Variants in KNDC1 observed in about 807,000 individuals in gnomAD.
The protein encoded by KNDC1 is kinase non-catalytic C-lobe domain-containing protein 1.
KNDC1 carries 106 observed loss-of-function variants against 172.8 expected under a neutral mutation model. The observed-to-expected ratio is 0.61, with a 90% CI of 0.52 to 0.72. KNDC1 has a LOEUF of 0.72. Ranked by LOEUF, KNDC1 falls within the 30% of genes least tolerant of loss-of-function variation. The pLI, the probability that KNDC1 is intolerant of heterozygous loss-of-function variation, is 0.00. For synonymous variants in KNDC1, 1,083 were observed against 1,062.2 expected, an observed-to-expected ratio of 1.02 and a Z score of -0.38; for missense variants, 2,325 against 2,394.5, an observed-to-expected ratio of 0.97 and a Z score of 0.61.
At chr10:133,217,588 C>T (rs1277879874) in intron 26 of KNDC1, among the ~76,000 whole-genome samples, 1 of 152,164 alleles carries the variant, frequency 6.6e-6, no homozygotes, top group African/African-American at 2.4e-5. Flanking sequence ...CGCCTGTGAT[C>T]CCAGCACTTT....
chr10:133,213,969 C>T lies in KNDC1; in HGVS notation c.4527-3C>T. On this transcript the variant is annotated splice_region_variant and splice_polypyrimidine_tract_variant and intron_variant, in intron 25 of 29. Coordinates refer to ENST00000304613, the MANE Select transcript of KNDC1 (RefSeq NM_152643.8). ...GGTGACAGGGACCATATTTCTCTTC[C>T]AGAGCCAGCTCTTCTGAGTCTCTTT... 6.2e-6 allele frequency: 10 copies of T among 1,614,124 alleles called. No individual in the cohort carries two copies. Among genetic ancestry groups the T allele is most frequent in the Non-Finnish European group, 8.5e-6 (10 of 1,179,966 alleles).
At chr10:133,177,511 GTGTAA>G (rs1239958766) in intron 3 of KNDC1, among the ~76,000 whole-genome samples, 2 of 146,482 alleles carry the variant, frequency 1.4e-5, no homozygotes, top group East Asian at 4.1e-4. Flanking sequence ...ATGGTCATGT[GTGTAA>G]TGTGTGTGCA....
intron 3 of KNDC1, among the ~76,000 whole-genome samples, chr10:133,175,585 AGATGGATG>A (rs138113417): frequency 6.8e-6 from 1 of 146,306 alleles, no homozygotes; most frequent in Admixed American, 6.7e-5. Flanking sequence ...ATGGATGGGT[AGATGGATG>A]GATGGATGGA....
chr10:133,206,884 G>A lies in KNDC1; in HGVS notation c.3510G>A (p.Lys1170=), dbSNP rs754713485. The stretch of plus-strand genomic sequence containing the variant: ...CCGACGTCAAGACCATGCTGTCCAA[G>A]CTGAAAGGGCAGCTAGAAGAAATGA... ...KGSDVKTMLS[K]LKGQLEEMKS... The change falls in exon 19 of 30, where the codon AAG becomes AAA. Residue 1170 remains lysine (K), a synonymous_variant. Transcript: ENST00000304613. The A allele has an allele frequency of 1.9e-6, 3 of 1,614,164 alleles. No homozygotes were observed. Among genetic ancestry groups the A allele is most frequent in the Non-Finnish European group, 2.5e-6 (3 of 1,180,020 alleles).
rs1363994269 is a variant in KNDC1 at position 133,197,774 on chromosome 10, G to C, written c.1906+6G>C. On this transcript the variant is annotated splice_donor_region_variant and intron_variant, in intron 12 of 29. Coordinates refer to ENST00000304613, the MANE Select transcript of KNDC1 (RefSeq NM_152643.8). ...AGCCCCAGAGCCCAGCCCAGGTGGG[G>C]ACCTGACCAGCCCCTGCTGCCCCAC... 1.2e-6 allele frequency: 2 copies of C among 1,605,724 alleles called. No individual in the cohort carries two copies. Among genetic ancestry groups the C allele is most frequent in the South Asian group, 2.2e-5 (2 of 90,988 alleles).
At chr10:133,221,288 C>A (rs1445366877) in intron 29 of KNDC1, among the ~76,000 whole-genome samples, 1 of 152,262 alleles carries the variant, frequency 6.6e-6, no homozygotes, top group Non-Finnish European at 1.5e-5. Context: ...TGCCCAGCAC[C>A]TGGGACCAAC....
At chr10:133,184,645 C>G (rs1057368217) in intron 5 of KNDC1, among the ~76,000 whole-genome samples, 1 of 152,240 alleles carries the variant, frequency 6.6e-6, no homozygotes. Context: ...TGGTCAGACA[C>G]GCAAACATGC....
intron 19 of KNDC1, 22 bp from the exon 20 acceptor site, chr10:133,207,115 C>T (rs764887823): frequency 1.0e-5 from 16 of 1,564,684 alleles, no homozygotes; most frequent in Middle Eastern, 1.7e-4. Flanking sequence ...AGTGACCAAG[C>T]GCCCGTGTCC....
At position 133,207,395 on chromosome 10, in the gene KNDC1, G is replaced by A. The variant is rs188052477; in HGVS notation, c.3794+44G>A. The A allele has an allele frequency of 4.4e-5, 70 of 1,575,976 alleles. No homozygotes were observed. The African/African-American group carries it at 5.5e-4, about 12-fold the overall frequency. On this transcript the variant is annotated intron_variant, in intron 20 of 29. Transcript: ENST00000304613. ...TCACCCGGAAAAGGAGACGTAGCCC[G>A]GGGTGCTGAGAAGAGGGGGGGAACG... is the stretch of plus-strand genomic sequence containing the variant.
chr10:133,181,351 C>T (rs746162568), intron 3 of KNDC1, among the ~76,000 whole-genome samples: 3 of 152,246 alleles, frequency 2.0e-5, no homozygotes, highest in African/African-American at 4.8e-5. Flanking sequence ...AGGTCCCCCC[C>T]GGATGGCACA....
intron 3 of KNDC1, among the ~76,000 whole-genome samples, chr10:133,182,714 T>C (rs1853752900): frequency 6.6e-6 from 1 of 152,232 alleles, no homozygotes; most frequent in Non-Finnish European, 1.5e-5. Context: ...TTTGAGGTTT[T>C]GAAGTTTTTG....
chr10:133,183,360 TGGGGGCCACGCTG>T lies in KNDC1; in HGVS notation c.378_390del (p.Gly127ArgfsTer16). ...TGCCCACAGGCGCACATCTACTCTC[TGGGGGCCACGCTG>T]AAGGCCGCCCTCGAGTACGTGGCAG... is the stretch of plus-strand genomic sequence containing the variant. On this transcript the variant is annotated frameshift_variant, in exon 4 of 30. Transcript: ENST00000304613. LOFTEE classifies it high-confidence loss of function. 5 of 1,596,932 alleles carry T rather than the reference TGGGGGCCACGCTG, an allele frequency of 3.1e-6. No individual in the cohort carries two copies. Among genetic ancestry groups the T allele is most frequent in the Non-Finnish European group, 4.3e-6 (5 of 1,173,414 alleles).
chr10:133,222,414 TGTGA>T (rs1422474723), intron 29 of KNDC1, among the ~76,000 whole-genome samples: 1 of 150,366 alleles, frequency 6.7e-6, no homozygotes, highest in Admixed American at 6.6e-5. Context: ...TCCCCATGTG[TGTGA>T]GAGCCCATCC....
At chr10:133,202,892 G>A (rs955833008) in intron 17 of KNDC1, among the ~76,000 whole-genome samples, 4 of 152,214 alleles carry the variant, frequency 2.6e-5, no homozygotes, top group African/African-American at 9.6e-5. Flanking sequence ...CGCAAAGGCC[G>A]CCCCCGGGGC....
In KNDC1 at chr10:133,199,081, A is replaced by G. The variant is rs768365708; in HGVS notation, c.2573A>G (p.Gln858Arg). Residue 858 changes from glutamine to arginine, a missense_variant, in exon 14 of 30, where the codon CAG becomes CGG. Coordinates refer to ENST00000304613, the MANE Select transcript of KNDC1 (RefSeq NM_152643.8). ...GATPAGERDD[Q>R]SPDSVPERPR... Reference sequence around the variant, plus strand: ...ACCCCTGCCGGGGAACGTGATGACCAGAGTCCAGACAGTGTCCCAGAGAGG... The same window carrying G: ...ACCCCTGCCGGGGAACGTGATGACCGGAGTCCAGACAGTGTCCCAGAGAGG... 7 of 1,608,124 alleles carry G rather than the reference A, an allele frequency of 4.4e-6. No homozygotes were observed. In the Admixed American group the frequency reaches 1.2e-4, roughly 27 times the overall value.
intron 24 of KNDC1, 102 bp downstream of exon 24, chr10:133,213,024 C>G: frequency 9.2e-7 from 1 of 1,084,064 alleles, no homozygotes; most frequent in South Asian, 1.6e-5. Flanking sequence ...GAGGAACAGA[C>G]GGGCAGAGAA....
chr10:133,219,185 A>G (rs2136033603), intron 28 of KNDC1, 95 bp downstream of exon 28: 3 of 1,436,696 alleles, frequency 2.1e-6, no homozygotes, highest in Middle Eastern at 2.4e-4. Flanking sequence ...AGACGCAGGC[A>G]CCACAGAGTG....
At chr10:133,196,964 C>A in intron 10 of KNDC1, 94 bp from the exon 11 acceptor site, 1 of 970,562 alleles carries the variant, frequency 1.0e-6, no homozygotes, top group South Asian at 1.3e-5. Flanking sequence ...CTCCTGGCAG[C>A]CCTGAGCTTT....
intron 23 of KNDC1, among the ~76,000 whole-genome samples, chr10:133,212,219 C>T (rs1845383377): frequency 6.6e-6 from 1 of 151,612 alleles, no homozygotes; most frequent in Non-Finnish European, 1.5e-5. Context: ...CACATATCCA[C>T]ACCTACACGT....
Sources: gnomAD v4.1 joint callset for allele counts (sites outside exome capture counted in the v4.1 genomes callset) on GRCh38, gnomAD v4.1.1 for gene constraint, MANE v1.5 for transcripts, NCBI Gene and HGNC (gene_info 2026-07-23, HGNC 2026-07-21) for gene names.